Variants in ARHGAP39 observed in about 807,000 individuals in gnomAD.
The protein encoded by ARHGAP39 is rho GTPase-activating protein 39.
In ARHGAP39, 44 loss-of-function variants were observed where a neutral mutation model predicts 106.9. That is an observed-to-expected ratio of 0.41 (90% CI 0.32 to 0.53). The LOEUF is 0.53. Among genes scored for constraint, ARHGAP39 ranks in the 20% least tolerant of loss-of-function variants. The pLI, the probability that ARHGAP39 is intolerant of heterozygous loss-of-function variation, is 0.21. For missense variants in ARHGAP39, 1,496 were observed against 1,577.3 expected (o/e 0.95, Z 0.87); for synonymous variants, 768 against 693.2 (o/e 1.11, Z -1.69).
chr8:144,675,637 G>C (rs1287965922), intron 1 of ARHGAP39, among the ~76,000 whole-genome samples: 1 of 150,768 alleles, frequency 6.6e-6, no homozygotes, highest in East Asian at 1.9e-4. Flanking sequence ...AGTGCATCTG[G>C]AGTTGTTCGT....
intron 1 of ARHGAP39, among the ~76,000 whole-genome samples, chr8:144,619,828 G>T (rs1181946389): frequency 6.7e-6 from 1 of 148,376 alleles, no homozygotes; most frequent in Non-Finnish European, 1.5e-5. Context: ...GTCCCTGAGA[G>T]TGTGTGTGCC....
chr8:144,547,749 C>T lies in ARHGAP39; in HGVS notation c.1337G>A (p.Gly446Glu). 6.3e-7 allele frequency: 1 copy of T among 1,598,576 alleles called. No individual in the cohort carries two copies. Among genetic ancestry groups the T allele is most frequent in the Non-Finnish European group, 8.5e-7 (1 of 1,177,786 alleles). ...LRDQRLGVKS[G>E]DYSTMEGPEL... ...AGGTCCCTCCATGGTGCTGTAGTCT[C>T]CGGACTTGACGCCCAGGCGCTGGTC... Residue 446 changes from glycine (G) to glutamate (E), a missense_variant, in exon 5 of 12, where the codon GGA (glycine) becomes GAA (glutamate). By Grantham distance (98) the Gly-to-Glu change is moderately conservative. Transcript: ENST00000377307. The surrounding 1 kb of genome is among the most constrained non-coding windows in gnomAD (Gnocchi z 5.2).
chr8:144,544,478 G>C (rs1156795252), intron 6 of ARHGAP39, among the ~76,000 whole-genome samples: 4 of 152,254 alleles, frequency 2.6e-5, no homozygotes, highest in African/African-American at 9.6e-5. Context: ...GTGTGTGCGT[G>C]CGTGCATGTG....
chr8:144,679,936 C>T lies in ARHGAP39; in HGVS notation c.-82+5750G>A, dbSNP rs542559977. ...CGGAGCTTGCAGTGAGTCGAGATCG[C>T]GCCGCCGCACTCCAGCCTGGACGAC... On this transcript the variant is annotated intron_variant, in intron 1 of 11. Transcript: ENST00000377307. This position sits in a 1 kb window ranked among gnomAD's most constrained non-coding sequence, Gnocchi z 4.7. 1.1e-3 allele frequency among the ~76,000 whole-genome samples: 170 copies of T among 152,230 alleles called. 1 individual carries two copies. The highest frequency in any genetic ancestry group is 1.2e-3 in the Non-Finnish European group (84 of 68,024).
At chr8:144,537,519 A>T (rs1817006046) in intron 7 of ARHGAP39, among the ~76,000 whole-genome samples, 1 of 152,104 alleles carries the variant, frequency 6.6e-6, no homozygotes. Flanking sequence ...CACCACAAAG[A>T]CACGTGTGGA....
chr8:144,593,656 A>G (rs1379691636), intron 2 of ARHGAP39, among the ~76,000 whole-genome samples: 1 of 152,076 alleles, frequency 6.6e-6, no homozygotes, highest in Non-Finnish European at 1.5e-5. Flanking sequence ...ACACCTGCAA[A>G]TCATCCATCT....
intron 4 of ARHGAP39, among the ~76,000 whole-genome samples, chr8:144,549,057 C>T (rs1301016598): frequency 1.3e-5 from 2 of 152,260 alleles, no homozygotes; most frequent in Non-Finnish European, 2.9e-5. Flanking sequence ...AACACCGCAC[C>T]TGGCCAAGGG....
chr8:144,675,999 G>GTC, intron 1 of ARHGAP39, among the ~76,000 whole-genome samples: 1 of 152,256 alleles, frequency 6.6e-6, no homozygotes, highest in African/African-American at 2.4e-5. Flanking sequence ...TGGGTTCATG[G>GTC]TCTCGCTGGC....
At position 144,604,660 on chromosome 8, in the gene ARHGAP39, G is replaced by A. The variant is rs1004083800; in HGVS notation, c.80+875C>T. On this transcript the variant is annotated intron_variant, in intron 2 of 11. Coordinates refer to ENST00000377307, the MANE Select transcript of ARHGAP39 (RefSeq NM_025251.3). This position sits in a 1 kb window ranked among gnomAD's most constrained non-coding sequence, Gnocchi z 4.1. ...TCAATGTGACAACAGGCAGAGAAAAGCTGTGGAATTCTTCCAGATTAAAAA... is the reference window on the plus strand; with the variant it reads ...TCAATGTGACAACAGGCAGAGAAAAACTGTGGAATTCTTCCAGATTAAAAA... Among the ~76,000 whole-genome samples, 1 of 152,154 alleles carries A rather than the reference G, an allele frequency of 6.6e-6. No individual in the cohort carries two copies. Among genetic ancestry groups the A allele is most frequent in the African/African-American group, 2.4e-5 (1 of 41,424 alleles).
chr8:144,686,631 G>T (rs1407341084), upstream of ARHGAP39, among the ~76,000 whole-genome samples: 1 of 152,178 alleles, frequency 6.6e-6, no homozygotes, highest in Non-Finnish European at 1.5e-5. Context: ...CAGCTCAGTC[G>T]CCTTGCAGGG....
At chr8:144,680,843 C>A (rs1361252717) in intron 1 of ARHGAP39, among the ~76,000 whole-genome samples, 1 of 152,124 alleles carries the variant, frequency 6.6e-6, no homozygotes, top group African/African-American at 2.4e-5. Context: ...GTACGAGTTT[C>A]ATAACAAGAT....
intron 1 of ARHGAP39, among the ~76,000 whole-genome samples, chr8:144,616,751 C>T (rs549164039): frequency 2.0e-5 from 3 of 152,334 alleles, no homozygotes; most frequent in East Asian, 1.9e-4. Context: ...CGAAGGACGG[C>T]GAGTGCCAGT....
At chr8:144,623,434 A>G (rs1290526446) in intron 1 of ARHGAP39, among the ~76,000 whole-genome samples, 1 of 152,244 alleles carries the variant, frequency 6.6e-6, no homozygotes, top group Non-Finnish European at 1.5e-5. Context: ...AAACACATCT[A>G]AAGTATAAGG....
intron 3 of ARHGAP39, among the ~76,000 whole-genome samples, chr8:144,561,769 A>C (rs1818176344): frequency 7.2e-6 from 1 of 139,020 alleles, no homozygotes; most frequent in African/African-American, 2.8e-5. Context: ...AGTGGTTTCC[A>C]TCGGACTTAC....
chr8:144,668,382 A>G (rs903521052), intron 1 of ARHGAP39, among the ~76,000 whole-genome samples: 3 of 152,232 alleles, frequency 2.0e-5, no homozygotes, highest in Admixed American at 6.5e-5. Context: ...TTGAGGCTGC[A>G]GTGAGTCAAA....
Position 144,579,180 on chromosome 8 carries a change from C to T in ARHGAP39, c.512+1666G>A, listed in dbSNP as rs1336392386. Among the ~76,000 whole-genome samples, 11 of 117,022 alleles carry T rather than the reference C, an allele frequency of 9.4e-5. No individual in the cohort carries two copies. The East Asian group carries it at 9.8e-4, about 10-fold the overall frequency. The allele number at this position is 117,022 out of a possible 152,430, so 76.8% of individuals were successfully genotyped here. ...TCGTGCCACTGCACTCCAGCCTGGG[C>T]GACAGAGCGAGACTCTGTCTCAAAA... is the stretch of plus-strand genomic sequence containing the variant. On this transcript the variant is annotated intron_variant, in intron 3 of 11. Coordinates refer to ENST00000377307, the MANE Select transcript of ARHGAP39 (RefSeq NM_025251.3).
intron 1 of ARHGAP39, among the ~76,000 whole-genome samples, chr8:144,656,603 T>C (rs958918060): frequency 6.6e-5 from 10 of 151,960 alleles, no homozygotes; most frequent in Non-Finnish European, 1.0e-4. Flanking sequence ...GGTCAGGAAT[T>C]TAAGACCAGC....
At chr8:144,536,075 G>C (rs1816941227) in intron 7 of ARHGAP39, among the ~76,000 whole-genome samples, 1 of 152,204 alleles carries the variant, frequency 6.6e-6, no homozygotes, top group Non-Finnish European at 1.5e-5. Flanking sequence ...CAGTGGGATA[G>C]TGGGCAGTGC....
intron 3 of ARHGAP39, among the ~76,000 whole-genome samples, chr8:144,569,678 C>T (rs1244639983): frequency 6.6e-6 from 1 of 152,188 alleles, no homozygotes; most frequent in Non-Finnish European, 1.5e-5. Flanking sequence ...AGACTTCTGG[C>T]ACCAGTGGAA....
Sources: allele counts gnomAD v4.1 joint callset (sites outside exome capture counted in the v4.1 genomes callset), GRCh38; gene constraint gnomAD v4.1.1; non-coding constraint Gnocchi (gnomAD v3.1); transcripts MANE v1.5; gene names NCBI Gene and HGNC (gene_info 2026-07-23, HGNC 2026-07-21).